NLGN1: variants seen among roughly 807,000 people sequenced by gnomAD.
NLGN1 encodes neuroligin-1.
NLGN1 carries 12 observed loss-of-function variants against 65.5 expected under a neutral mutation model. That is an observed-to-expected ratio of 0.18 (90% CI 0.12 to 0.30). NLGN1 has a LOEUF of 0.30. NLGN1 is among the 10% of genes least tolerant of loss of function. The pLI is 1.00. For synonymous variants in NLGN1, 350 were observed against 359.5 expected, an observed-to-expected ratio of 0.97 and a Z score of 0.30; for missense variants, 750 against 1,007.1, an observed-to-expected ratio of 0.74 and a Z score of 3.46.
chr3:173,838,492 G>A (rs774907087), intron 4 of NLGN1, among the ~76,000 whole-genome samples: 5 of 152,066 alleles, frequency 3.3e-5, no homozygotes, highest in Admixed American at 6.6e-5. Flanking sequence ...GTAATTTTGT[G>A]TACCTGTAAA....
intron 3 of NLGN1, among the ~76,000 whole-genome samples, chr3:173,702,710 A>G (rs1223532806): frequency 6.6e-6 from 1 of 152,212 alleles, no homozygotes; most frequent in African/African-American, 2.4e-5. Flanking sequence ...TGTATATTTT[A>G]GAAGCCCAGG....
chr3:173,861,101 A>G (rs1458168515), intron 4 of NLGN1, among the ~76,000 whole-genome samples: 3 of 152,190 alleles, frequency 2.0e-5, no homozygotes, highest in Non-Finnish European at 4.4e-5. Flanking sequence ...TCACTTTGTC[A>G]AAAATTAGCC....
intron 4 of NLGN1, among the ~76,000 whole-genome samples, chr3:173,813,900 T>C (rs1445459246): frequency 6.6e-6 from 1 of 152,366 alleles, no homozygotes; most frequent in East Asian, 1.9e-4. Flanking sequence ...AACGTGACAA[T>C]ACAGGAATTG....
At chr3:173,845,705 G>T (rs1166821945) in intron 4 of NLGN1, among the ~76,000 whole-genome samples, 1 of 152,010 alleles carries the variant, frequency 6.6e-6, no homozygotes, top group Non-Finnish European at 1.5e-5. Context: ...TGTTAAAGCT[G>T]GTAGGTTCTT....
chr3:173,789,487 G>A (rs1194288317), intron 3 of NLGN1, among the ~76,000 whole-genome samples: 1 of 152,182 alleles, frequency 6.6e-6, no homozygotes, highest in Non-Finnish European at 1.5e-5. Context: ...TCCCAAGGTG[G>A]ATAGAACACA....
intron 4 of NLGN1, among the ~76,000 whole-genome samples, chr3:174,271,444 T>G (rs1363544768): frequency 6.6e-6 from 1 of 151,854 alleles, no homozygotes; most frequent in African/African-American, 2.4e-5. Context: ...CTCCTTAGGG[T>G]CTGCCTGTCA....
chr3:173,510,087 C>T (rs988355212), intron 2 of NLGN1, among the ~76,000 whole-genome samples: 11 of 152,142 alleles, frequency 7.2e-5, no homozygotes, highest in Non-Finnish European at 1.5e-4. Flanking sequence ...GATAAATTCT[C>T]CACTTGCAGG....
At position 173,785,772 on chromosome 3, in the gene NLGN1, T is replaced by C. The variant is rs532455305; in HGVS notation, c.494-21908T>C. Among the ~76,000 whole-genome samples the C allele has an allele frequency of 1.7e-4, 26 of 152,294 alleles. No homozygotes were observed. The South Asian group carries it at 5.4e-3, about 32-fold the overall frequency. ...AGTATTCTTACAAAATAAAGCTTTG[T>C]TTGGGAGTAGACCGTACTGTTTCTT... On this transcript the variant is annotated intron_variant, in intron 3 of 6. Transcript: ENST00000457714.
chr3:174,242,871 G>C (rs560050134), intron 4 of NLGN1, among the ~76,000 whole-genome samples: 3 of 152,130 alleles, frequency 2.0e-5, no homozygotes, highest in South Asian at 2.1e-4. Context: ...TTGGCGACCA[G>C]TGCCAAAAAT....
chr3:173,604,323 T>A (rs894251088), exon 3 of NLGN1: 2 of 412,684 alleles, frequency 4.8e-6, no homozygotes, highest in Non-Finnish European at 4.3e-6. Context: ...AAGAGAGAAA[T>A]CTGCAGTCAA....
chr3:173,453,772 T>G (rs1314284241), intron 2 of NLGN1, among the ~76,000 whole-genome samples: 2 of 152,210 alleles, frequency 1.3e-5, no homozygotes, highest in African/African-American at 2.4e-5. Flanking sequence ...CTTCCTCCAC[T>G]GAAGACTTGA....
intron 4 of NLGN1, among the ~76,000 whole-genome samples, chr3:174,128,562 G>T (rs1160060250): frequency 6.6e-6 from 1 of 152,080 alleles, no homozygotes; most frequent in African/African-American, 2.4e-5. Context: ...ATTGAATGGC[G>T]ATTATTTACT....
At chr3:173,864,844 G>A (rs766443605) in intron 4 of NLGN1, among the ~76,000 whole-genome samples, 60 of 152,218 alleles carry the variant, frequency 3.9e-4, no homozygotes, top group Non-Finnish European at 7.4e-4. Flanking sequence ...TATTTGTAGA[G>A]GTACTCTGGG....
chr3:173,574,111 A>G (rs1304264214), intron 2 of NLGN1, among the ~76,000 whole-genome samples: 4 of 151,206 alleles, frequency 2.6e-5, no homozygotes, highest in East Asian at 1.9e-4. Flanking sequence ...AAACATTGCC[A>G]TTATATCATG....
At chr3:174,019,969 A>G (rs982461973) in intron 4 of NLGN1, among the ~76,000 whole-genome samples, 1 of 152,146 alleles carries the variant, frequency 6.6e-6, no homozygotes, top group Non-Finnish European at 1.5e-5. Flanking sequence ...TTGCTCCTAA[A>G]AAAGTAAAAA....
chr3:173,800,518 AT>A (rs961821652), intron 3 of NLGN1, among the ~76,000 whole-genome samples: 6 of 151,568 alleles, frequency 4.0e-5, no homozygotes, highest in East Asian at 1.9e-4. Context: ...TAGAGTATTA[AT>A]TTTTTTAAAA....
chr3:173,431,637 C>T lies in NLGN1; in HGVS notation c.-389-3373C>T, dbSNP rs189065183. ...CAGAGATTTCCCATATATGCCCTGC[C>T]CTCATTCTTGCATATCCTCTTCTAT... On this transcript the variant is annotated intron_variant, in intron 1 of 6. Transcript: ENST00000457714. Among the ~76,000 whole-genome samples the T allele has an allele frequency of 1.1e-4, 16 of 152,080 alleles. No homozygotes were observed. In the South Asian group the frequency reaches 2.5e-3, roughly 24 times the overall value.
At chr3:174,265,763 CTATATATATATATATATATGTA>C (rs1002454219) in intron 4 of NLGN1, among the ~76,000 whole-genome samples, 2 of 125,668 alleles carry the variant, frequency 1.6e-5, no homozygotes, top group African/African-American at 3.4e-5. Flanking sequence ...ACTAAGAAGG[CTATATATATATATATATATGTA>C]TATATATATA....
At chr3:173,720,808 A>G (rs1361548402) in intron 3 of NLGN1, among the ~76,000 whole-genome samples, 4 of 152,204 alleles carry the variant, frequency 2.6e-5, no homozygotes, top group Non-Finnish European at 5.9e-5. Flanking sequence ...GGATGAAGTA[A>G]TGAAACAAGA....
Sources: gnomAD v4.1 joint callset for allele counts (sites outside exome capture counted in the v4.1 genomes callset) on GRCh38, gnomAD v4.1.1 for gene constraint, MANE v1.5 for transcripts, NCBI Gene and HGNC (gene_info 2026-07-23, HGNC 2026-07-21) for gene names.